DPP6: variants seen among roughly 807,000 people sequenced by gnomAD.
DPP6 encodes A-type potassium channel modulatory protein DPP6.
A neutral mutation model predicts 122.6 loss-of-function variants in DPP6; 69 were observed. The ratio of observed to expected loss-of-function variants is 0.56; its 90% confidence interval spans 0.46 to 0.69. DPP6 has a LOEUF of 0.69. Among genes scored for constraint, DPP6 ranks in the 30% least tolerant of loss-of-function variants. The probability of loss-of-function intolerance (pLI) is 0.00; values close to 1 mark genes in which losing one functional copy is unlikely to be tolerated. For synonymous variants in DPP6, 418 were observed against 433.1 expected (o/e 0.97, Z 0.43); for missense variants, 928 against 1,116.9 (o/e 0.83, Z 2.41).
At chr7:153,914,848 A>G (rs1800237424) in intron 1 of DPP6, among the ~76,000 whole-genome samples, 1 of 152,172 alleles carries the variant, frequency 6.6e-6, no homozygotes, top group African/African-American at 2.4e-5. Context: ...CGAATGTTAA[A>G]CTAGTGTTAG....
chr7:154,313,685 G>GTGTGTGTATGTATATATATA, intron 1 of DPP6, among the ~76,000 whole-genome samples: 1 of 20,476 alleles, frequency 4.9e-5, no homozygotes, highest in East Asian at 3.3e-3. Context: ...TTAAGATATG[G>GTGTGTGTATGTATATATATA]TATATATATA....
chr7:153,833,031 C>A, the DPP6 span, among the ~76,000 whole-genome samples: 1 of 152,100 alleles, frequency 6.6e-6, no homozygotes. Flanking sequence ...TTTCCTTTGC[C>A]GTGTATGGAA....
At chr7:154,136,785 A>G (rs986067848) in intron 1 of DPP6, among the ~76,000 whole-genome samples, 2 of 152,266 alleles carry the variant, frequency 1.3e-5, no homozygotes, top group East Asian at 1.9e-4. Flanking sequence ...TTGATAATTT[A>G]GGTAGAGTTC....
rs112291225 is a variant in DPP6 at position 154,726,646 on chromosome 7, C to T, written c.763-1121C>T. 5.2e-3 allele frequency among the ~76,000 whole-genome samples: 784 copies of T among 152,214 alleles called. 4 individuals carry two copies. The highest frequency in any genetic ancestry group is 0.017 in the African/African-American group (721 of 41,530). On this transcript the variant is annotated intron_variant, in intron 7 of 25. Coordinates refer to ENST00000377770, the MANE Select transcript of DPP6 (RefSeq NM_130797.4). Reference sequence around the variant, plus strand: ...AAAGTTCTCTGAAATGCCTTGGAGGCGTTTTCCTTATTGTCTTGGTGATTA... The same window carrying T: ...AAAGTTCTCTGAAATGCCTTGGAGGTGTTTTCCTTATTGTCTTGGTGATTA...
rs763717483 is a variant in DPP6, at chr7:154,794,213, C to T, written c.1260+11C>T. ...GGGGTCTGCACGAAGGTACGCGGGG[C>T]TGTGGGGGTGGAGGGGAGACGGGTG... On this transcript the variant is annotated intron_variant, in intron 11 of 25. Transcript: ENST00000377770. The T allele has an allele frequency of 1.3e-6, 2 of 1,599,708 alleles. No individual in the cohort carries two copies. Among genetic ancestry groups the T allele is most frequent in the Non-Finnish European group, 8.5e-7 (1 of 1,171,538 alleles).
chr7:154,744,845 C>T (rs1255595913), intron 8 of DPP6, among the ~76,000 whole-genome samples: 2 of 152,174 alleles, frequency 1.3e-5, no homozygotes, highest in Non-Finnish European at 1.5e-5. Flanking sequence ...CAAATATCTA[C>T]AGCAGTAGGG....
chr7:153,951,997 C>T (rs377174605), intron 1 of DPP6, among the ~76,000 whole-genome samples: 26 of 152,232 alleles, frequency 1.7e-4, no homozygotes, highest in African/African-American at 5.5e-4. Context: ...GAGCCGAGAT[C>T]GTGCCACTGC....
chr7:154,889,320 C>T lies in DPP6; in HGVS notation c.2353C>T (p.Leu785=), dbSNP rs747876860. 7.4e-6 allele frequency: 12 copies of T among 1,612,996 alleles called. No individual in the cohort carries two copies. In the Admixed American group the frequency reaches 1.3e-4, roughly 18 times the overall value. The change falls in exon 24 of 26, where the codon CTG becomes TTG. Residue 785 remains leucine, a synonymous_variant. Coordinates refer to ENST00000377770, the MANE Select transcript of DPP6 (RefSeq NM_130797.4). Reference sequence around the variant, plus strand: ...CTCCGCGCTGGAAGAACAGCAGTTCCTGATCATTCATCCCACTGCCGATGG... The same window carrying T: ...CTCCGCGCTGGAAGAACAGCAGTTCTTGATCATTCATCCCACTGCCGATGG... ...RVSALEEQQF[L]IIHPTADEKI...
chr7:154,269,356 G>A (rs919408133), intron 1 of DPP6, among the ~76,000 whole-genome samples: 1 of 152,268 alleles, frequency 6.6e-6, no homozygotes, highest in Admixed American at 6.5e-5. Context: ...GCTCTTAAGA[G>A]TTCTTGCAAT....
intron 1 of DPP6, among the ~76,000 whole-genome samples, chr7:154,116,145 T>C (rs1246293377): frequency 6.6e-6 from 1 of 151,872 alleles, no homozygotes; most frequent in African/African-American, 2.4e-5. Context: ...TTTGGTTAGT[T>C]ACTTGAATAG....
chr7:153,891,325 A>G (rs1799193740), intron 1 of DPP6, among the ~76,000 whole-genome samples: 1 of 151,860 alleles, frequency 6.6e-6, no homozygotes, highest in Non-Finnish European at 1.5e-5. Flanking sequence ...CCTGGCCCCT[A>G]GAACTTCTAT....
At chr7:154,601,524 A>G (rs6945161) in intron 5 of DPP6, among the ~76,000 whole-genome samples, 115,239 of 119,560 alleles carry the variant, frequency 0.96, 56,922 homozygotes, top group Non-Finnish European at 1. Context: ...TTGATAATAA[A>G]CCATTGCAGC....
At chr7:154,130,901 C>T (rs1270885487) in intron 1 of DPP6, among the ~76,000 whole-genome samples, 2 of 152,146 alleles carry the variant, frequency 1.3e-5, no homozygotes, top group Admixed American at 6.5e-5. Context: ...ATGCCTCAGC[C>T]AGACATGTCC....
intron 7 of DPP6, among the ~76,000 whole-genome samples, chr7:154,669,722 A>T (rs1334680515): frequency 2.0e-5 from 3 of 152,180 alleles, no homozygotes; most frequent in Non-Finnish European, 4.4e-5. Context: ...GTGTCTATGG[A>T]CTCCAGATGA....
At chr7:154,182,223 T>C (rs909034622) in intron 1 of DPP6, among the ~76,000 whole-genome samples, 4 of 152,148 alleles carry the variant, frequency 2.6e-5, no homozygotes, top group African/African-American at 9.7e-5. Context: ...GGAATAATTA[T>C]GGATTGCTAA....
the DPP6 span, among the ~76,000 whole-genome samples, chr7:153,867,612 T>G: frequency 2.0e-5 from 3 of 152,216 alleles, no homozygotes; most frequent in African/African-American, 7.2e-5. Flanking sequence ...ACAATTTGAC[T>G]TCCTCTTTTC....
chr7:154,628,521 A>C (rs778463436), intron 5 of DPP6, among the ~76,000 whole-genome samples: 2 of 152,184 alleles, frequency 1.3e-5, no homozygotes, highest in Non-Finnish European at 2.9e-5. Context: ...TGACACCCTC[A>C]ACTGGACCTG....
At chr7:154,492,511 A>G (rs1170193883) in intron 3 of DPP6, among the ~76,000 whole-genome samples, 7 of 152,156 alleles carry the variant, frequency 4.6e-5, no homozygotes, top group African/African-American at 1.7e-4. Context: ...TGGCTTCTGG[A>G]GCTCACACTC....
chr7:154,354,102 A>G (rs1057053514), intron 1 of DPP6, among the ~76,000 whole-genome samples: 2 of 152,166 alleles, frequency 1.3e-5, no homozygotes, highest in African/African-American at 4.8e-5. Flanking sequence ...GCTCCGTGAA[A>G]TCAGGAAAGC....
Sources: allele counts gnomAD v4.1 joint callset (sites outside exome capture counted in the v4.1 genomes callset), GRCh38; gene constraint gnomAD v4.1.1; transcripts MANE v1.5; gene names NCBI Gene and HGNC (gene_info 2026-07-23, HGNC 2026-07-21).